Variants in HMCN2 observed in about 807,000 individuals in gnomAD.
HMCN2 encodes hemicentin 2.
A neutral mutation model predicts 377.5 loss-of-function variants in HMCN2; 325 were observed. The ratio of observed to expected loss-of-function variants is 0.86; its 90% CI spans 0.79 to 0.94. The LOEUF is 0.94. Among genes scored for constraint, HMCN2 ranks in the 40% least tolerant of loss-of-function variants. HMCN2 has a pLI of 0.00. For missense variants in HMCN2, 4,543 were observed against 4,725.3 expected (o/e 0.96, Z 1.13); for synonymous variants, 2,007 against 2,046.8 (o/e 0.98, Z 0.53).
intron 51 of HMCN2, 79 bp downstream of exon 51, chr9:130,376,068 C>CG: frequency 2.2e-6 from 1 of 464,476 alleles, no homozygotes; most frequent in Non-Finnish European, 2.8e-6. Context: ...CCTGAGCCAC[C>CG]CTTGGTGCTC....
intron 22 of HMCN2, among the ~76,000 whole-genome samples, chr9:130,331,614 C>T (rs1181056653): frequency 2.6e-5 from 4 of 152,264 alleles, no homozygotes; most frequent in South Asian, 2.1e-4. Context: ...TCCCCTCTCC[C>T]CTCCCTGGGC....
rs528244908 is a variant in HMCN2, at chr9:130,377,006, C to T, written c.8061+348C>T. Among the ~76,000 whole-genome samples, 233 of 152,186 alleles carry T rather than the reference C, an allele frequency of 1.5e-3. 1 individual carries two copies. Among genetic ancestry groups the T allele is most frequent in the African/African-American group, 5.4e-3 (225 of 41,518 alleles). On this transcript the variant is annotated intron_variant, in intron 52 of 97. Coordinates refer to ENST00000683500, the MANE Select transcript of HMCN2 (RefSeq NM_001291815.2). ...TAGAGATGGGGTTTCACCGTGTTGG[C>T]CAGGTTGGTCTCGCACTCCTGACCT... is the stretch of plus-strand genomic sequence containing the variant.
At chr9:130,425,655 C>A in intron 89 of HMCN2, 32 bp from the exon 90 acceptor site, 2 of 1,341,730 alleles carry the variant, frequency 1.5e-6, no homozygotes, top group Non-Finnish European at 1.0e-6. Context: ...TCCCCCACCC[C>A]TCCTCCTCCT....
chr9:130,385,439 G>C (rs1841969533), intron 59 of HMCN2, 121 bp from the exon 60 acceptor site: 1 of 555,916 alleles, frequency 1.8e-6, no homozygotes, highest in African/African-American at 2.0e-5. Flanking sequence ...GTCTGCGCCA[G>C]CCCCCGGGGC....
chr9:130,360,073 ACT>A lies in HMCN2; in HGVS notation c.5774-348_5774-347del, dbSNP rs1446921084. 1.5e-4 allele frequency among the ~76,000 whole-genome samples: 23 copies of A among 150,374 alleles called. No homozygotes were observed. Among genetic ancestry groups the A allele is most frequent in the Admixed American group, 1.3e-4 (2 of 15,154 alleles). ...TAGGGGGAGGGCAGGGCTGAGTTTG[ACT>A]CTCTCTGCTCCTGGCTGCCTCAGCC... On this transcript the variant is annotated intron_variant, in intron 37 of 97. Coordinates refer to ENST00000683500, the MANE Select transcript of HMCN2 (RefSeq NM_001291815.2). This position sits in a 1 kb window ranked among gnomAD's most constrained non-coding sequence, Gnocchi z 4.7.
At position 130,393,692 on chromosome 9, in the gene HMCN2, TGA is replaced by T; in HGVS notation, c.10235-46_10235-45del. The T allele has an allele frequency of 8.4e-7, 1 of 1,194,446 alleles. No individual in the cohort carries two copies. The highest frequency in any genetic ancestry group is 6.0e-5 in the East Asian group (1 of 16,588). The allele number at this position is 1,194,446 out of a possible 1,614,324, so 74.0% of individuals were successfully genotyped here. ...TGATGTCTAAGCTGAGTACTGGAGA[TGA>T]GAGTCCTGGAATAAAATGGTTCCTG... On this transcript the variant is annotated intron_variant, in intron 67 of 97. Transcript: ENST00000683500. This position sits in a 1 kb window ranked among gnomAD's most constrained non-coding sequence, Gnocchi z 5.2.
chr9:130,388,905 G>A (rs376967870), intron 62 of HMCN2, among the ~76,000 whole-genome samples: 30 of 152,288 alleles, frequency 2.0e-4, no homozygotes, highest in African/African-American at 7.0e-4. Flanking sequence ...CTGCTCCTTG[G>A]TGGTGACTCA....
In HMCN2 at chr9:130,268,345, G is replaced by A. The variant is rs377745034; in HGVS notation, c.259+2208G>A. ...AACAAAAATCCAGTTCTCCATCCTG[G>A]TTCCCCAAATTAGCTTCCGAGTGAC... On this transcript the variant is annotated intron_variant, in intron 1 of 97. Transcript: ENST00000683500. Among the ~76,000 whole-genome samples, 218 of 152,302 alleles carry A rather than the reference G, an allele frequency of 1.4e-3. 2 individuals carry two copies. The highest frequency in any genetic ancestry group is 5.1e-3 in the African/African-American group (214 of 41,580).
At chr9:130,407,758 A>T (rs1843180051) in intron 83 of HMCN2, 53 bp downstream of exon 83, 1 of 1,152,760 alleles carries the variant, frequency 8.7e-7, no homozygotes, top group South Asian at 1.6e-5. Context: ...GTCTATTGGG[A>T]CCCAATCTAT....
Position 130,294,507 on chromosome 9 carries a change from C to T in HMCN2, c.613-348C>T, listed in dbSNP as rs142186699. Reference sequence around the variant, plus strand: ...CATGGGTCTGGGGGAGTTTCCAGATCTCCAGGGTTCATTGTGTGTAAGAGG... The same window carrying T: ...CATGGGTCTGGGGGAGTTTCCAGATTTCCAGGGTTCATTGTGTGTAAGAGG... On this transcript the variant is annotated intron_variant, in intron 4 of 97. Coordinates refer to ENST00000683500, the MANE Select transcript of HMCN2 (RefSeq NM_001291815.2). 4.6e-5 allele frequency among the ~76,000 whole-genome samples: 7 copies of T among 152,240 alleles called. No homozygotes were observed. In the East Asian group the frequency reaches 1.4e-3, roughly 29 times the overall value.
chr9:130,297,439 T>A (rs1018543584), intron 7 of HMCN2, among the ~76,000 whole-genome samples: 8 of 152,202 alleles, frequency 5.3e-5, no homozygotes, highest in Non-Finnish European at 1.0e-4. Context: ...TGGTGCGGGC[T>A]GCCTGAGCTC....
chr9:130,323,295 G>C (rs991574032), intron 19 of HMCN2, among the ~76,000 whole-genome samples: 134,972 of 152,160 alleles, frequency 0.89, 60,117 homozygotes, highest in East Asian at 0.97. Context: ...GTGCTAGCGT[G>C]AGAGCCCCTG....
chr9:130,318,293 T>G (rs1261471024), intron 15 of HMCN2, among the ~76,000 whole-genome samples: 1 of 151,664 alleles, frequency 6.6e-6, no homozygotes, highest in Non-Finnish European at 1.5e-5. Flanking sequence ...TGGAGACAGA[T>G]GGAAAGAACA....
At chr9:130,430,946 T>C (rs1219366333) in intron 95 of HMCN2, 1 of 377,932 alleles carries the variant, frequency 2.6e-6, no homozygotes. Flanking sequence ...GGGAGGGAGA[T>C]TTTCAGGGGT....
Position 130,369,706 on chromosome 9 carries a change from G to C in HMCN2, c.6924G>C (p.Val2308=), listed in dbSNP as rs191107183. ...TVTWERDGQP[V]GAELGLQLQN... is the part of the protein sequence containing the mutation. ...CATGGGAGCGGGACGGCCAGCCCGT[G>C]GGGGCTGAACTGGGCCTGCAGCTGC... The change falls in exon 45 of 98, where the codon GTG becomes GTC. Residue 2308 remains valine, a synonymous_variant. Coordinates refer to ENST00000683500, the MANE Select transcript of HMCN2 (RefSeq NM_001291815.2). This position sits in a 1 kb window ranked among gnomAD's most constrained non-coding sequence, Gnocchi z 4.5. 1 of 986,056 alleles carries C rather than the reference G, an allele frequency of 1.0e-6. No homozygotes were observed. Among genetic ancestry groups the C allele is most frequent in the African/African-American group, 1.7e-5 (1 of 57,378 alleles). The allele number at this position is 986,056 out of a possible 1,614,324, so 61.1% of individuals were successfully genotyped here.
Position 130,410,573 on chromosome 9 carries a change from G to A in HMCN2, c.12882G>A (p.Arg4294=). The A allele has an allele frequency of 6.4e-7, 1 of 1,550,544 alleles. No homozygotes were observed. The highest frequency in any genetic ancestry group is 8.7e-7 in the Non-Finnish European group (1 of 1,146,990). The change falls in exon 85 of 98, where the codon AGG becomes AGA. Residue 4294 remains arginine (R), a splice_region_variant and synonymous_variant. Transcript: ENST00000683500. ...TCCTCTCCTGTGCCCACTTGCAGAGGGACGATGCGGGACGGTACCAGTGCC... is the reference window on the plus strand; with the variant it reads ...TCCTCTCCTGTGCCCACTTGCAGAGAGACGATGCGGGACGGTACCAGTGCC... ...NGSLTIRRTE[R]DDAGRYQCLA...
At chr9:130,286,846 C>T (rs1429792794) in intron 4 of HMCN2, among the ~76,000 whole-genome samples, 6 of 152,134 alleles carry the variant, frequency 3.9e-5, no homozygotes, top group Non-Finnish European at 5.9e-5. Context: ...CCCAGTGCTC[C>T]GCAGGCACCT....
At chr9:130,380,898 GCC>G (rs996265678) in intron 54 of HMCN2, among the ~76,000 whole-genome samples, 4 of 151,662 alleles carry the variant, frequency 2.6e-5, no homozygotes, top group African/African-American at 9.7e-5. Flanking sequence ...CCTTAACCTG[GCC>G]ACTGACCACT....
In HMCN2 at chr9:130,296,731, C is replaced by T. The variant is rs782607605; in HGVS notation, c.949C>T (p.Arg317Ter). ...RITGVSNIDF[R>*]AGFSTQPLLD... is the part of the protein sequence containing the mutation. ...CACAGGCGTCAGCAACATTGACTTCCGAGCCGGCTTCTCCACTCAGCCCTT... is the reference window on the plus strand; with the variant it reads ...CACAGGCGTCAGCAACATTGACTTCTGAGCCGGCTTCTCCACTCAGCCCTT... The change falls in exon 7 of 98, where the codon CGA (arginine) becomes TGA (stop). Residue 317 changes from arginine (R) to a stop codon, truncating the protein, a stop_gained. Coordinates refer to ENST00000683500, the MANE Select transcript of HMCN2 (RefSeq NM_001291815.2). LOFTEE classifies it high-confidence loss of function. 1.5e-5 allele frequency: 7 copies of T among 471,130 alleles called. No individual in the cohort carries two copies. Among genetic ancestry groups the T allele is most frequent in the South Asian group, 6.2e-5 (4 of 64,568 alleles). 29.2% of individuals were successfully genotyped at this position (471,130 alleles called of 1,614,324 possible).
Sources: allele counts gnomAD v4.1 joint callset (sites outside exome capture counted in the v4.1 genomes callset), GRCh38; gene constraint gnomAD v4.1.1; non-coding constraint Gnocchi (gnomAD v3.1); transcripts MANE v1.5; gene names NCBI Gene and HGNC (gene_info 2026-07-23, HGNC 2026-07-21).